INPP4B: variants seen among roughly 807,000 people sequenced by gnomAD.
The protein encoded by INPP4B is inositol polyphosphate-4-phosphatase type II B.
A neutral mutation model predicts 122.5 loss-of-function variants in INPP4B; 55 were observed. The ratio of observed to expected loss-of-function variants is 0.45; its 90% CI spans 0.36 to 0.56. The LOEUF (loss-of-function observed/expected upper bound fraction) is 0.56. INPP4B is among the 20% of genes least tolerant of loss of function. The pLI, the probability that INPP4B is intolerant of heterozygous loss-of-function variation, is 0.00. For missense variants in INPP4B, 1,000 were observed against 1,097.7 expected, an observed-to-expected ratio of 0.91 and a Z score of 1.26; for synonymous variants, 403 against 388.7, an observed-to-expected ratio of 1.04 and a Z score of -0.43.
Position 142,740,729 on chromosome 4 carries a change from T to C in INPP4B, c.-253-14828A>G, listed in dbSNP as rs578243340. On this transcript the variant is annotated intron_variant, in intron 1 of 25. Transcript: ENST00000262992. ...TAACAGGGGTAAGTGACAAGGGAAA[T>C]ATTTGTGACATTTCTGGCTTGGAGT... is the stretch of plus-strand genomic sequence containing the variant. 3.9e-5 allele frequency among the ~76,000 whole-genome samples: 6 copies of C among 152,058 alleles called. No homozygotes were observed. The East Asian group carries it at 1.2e-3, about 29-fold the overall frequency.
intron 25 of INPP4B, among the ~76,000 whole-genome samples, chr4:142,068,864 C>T (rs1765256165): frequency 1.3e-5 from 2 of 152,158 alleles, no homozygotes; most frequent in African/African-American, 4.8e-5. Context: ...GAGACTTAGA[C>T]TCTCACACAA....
rs200348292 is a variant in INPP4B at position 142,590,895 on chromosome 4, A to C, written c.-190-128169T>G. Among the ~76,000 whole-genome samples, 209 of 146,482 alleles carry C rather than the reference A, an allele frequency of 1.4e-3. 4 individuals carry two copies. The East Asian group carries it at 0.034, about 24-fold the overall frequency. On this transcript the variant is annotated intron_variant, in intron 2 of 25. Transcript: ENST00000262992. The stretch of plus-strand genomic sequence containing the variant: ...ATATCATTCTCCAAAAAAAAAAAAA[A>C]AAAAACAAAAGAACTAGGGATACTT...
chr4:142,672,267 T>G (rs975512713), intron 2 of INPP4B, among the ~76,000 whole-genome samples: 3 of 152,158 alleles, frequency 2.0e-5, no homozygotes, highest in African/African-American at 7.2e-5. Context: ...GGAGAGAGAT[T>G]GGTGGGTCAT....
chr4:142,033,016 A>G (rs1359441988), intron 25 of INPP4B, among the ~76,000 whole-genome samples: 1 of 152,144 alleles, frequency 6.6e-6, no homozygotes, highest in Admixed American at 6.6e-5. Flanking sequence ...GGGAGTAGCA[A>G]GAAAATAAAA....
chr4:142,498,609 C>T (rs957985862), intron 2 of INPP4B, among the ~76,000 whole-genome samples: 1 of 151,628 alleles, frequency 6.6e-6, no homozygotes, highest in Non-Finnish European at 1.5e-5. Context: ...AGCAACATGG[C>T]AAAACCCCAT....
chr4:142,040,295 T>C lies in INPP4B; in HGVS notation c.2643-11381A>G, dbSNP rs3756108. Among the ~76,000 whole-genome samples, 113 of 152,282 alleles carry C rather than the reference T, an allele frequency of 7.4e-4. 1 individual carries two copies. The East Asian group carries it at 0.015, about 20-fold the overall frequency. ...GGATGCATGGCTGACCCTTGGTCGT[T>C]AGTCAGCTTCCCCAAAGATTCTCCT... On this transcript the variant is annotated intron_variant, in intron 25 of 25. Coordinates refer to ENST00000262992, the MANE Select transcript of INPP4B (RefSeq NM_001101669.3).
intron 10 of INPP4B, among the ~76,000 whole-genome samples, chr4:142,265,422 C>T (rs1335603811): frequency 6.6e-6 from 1 of 152,114 alleles, no homozygotes; most frequent in African/African-American, 2.4e-5. Flanking sequence ...CTTAAATCAC[C>T]GTTAGTAACA....
In INPP4B at chr4:142,245,782, ATG is replaced by A. The variant is rs1365256116; in HGVS notation, c.689-7773_689-7772del. On this transcript the variant is annotated intron_variant, in intron 11 of 25. Coordinates refer to ENST00000262992, the MANE Select transcript of INPP4B (RefSeq NM_001101669.3). ...TATATGTATATGTGTGTATATATAT[ATG>A]TGTGTATGTATACATATATATGTGT... Among the ~76,000 whole-genome samples the A allele has an allele frequency of 1.5e-3, 213 of 139,974 alleles. 1 individual carries two copies. Among genetic ancestry groups the A allele is most frequent in the African/African-American group, 6.4e-3 (210 of 32,714 alleles). 91.8% of individuals were successfully genotyped at this position (139,974 alleles called of 152,430 possible). A position where few individuals can be genotyped will look rare whatever the true frequency, so the allele number is the denominator to read the frequency against.
intron 11 of INPP4B, among the ~76,000 whole-genome samples, chr4:142,247,107 T>C (rs980076850): frequency 6.6e-6 from 1 of 152,190 alleles, no homozygotes; most frequent in Non-Finnish European, 1.5e-5. Context: ...TATTGATTTG[T>C]GTATGTTGAA....
chr4:142,616,155 C>A (rs1240689989), intron 2 of INPP4B, among the ~76,000 whole-genome samples: 1 of 152,082 alleles, frequency 6.6e-6, no homozygotes, highest in Non-Finnish European at 1.5e-5. Flanking sequence ...CCCCCCAACC[C>A]TCACCCAATG....
chr4:142,237,067 C>T (rs867482455), intron 12 of INPP4B, among the ~76,000 whole-genome samples: 1 of 152,124 alleles, frequency 6.6e-6, no homozygotes. Flanking sequence ...TCTTATCAAC[C>T]AATCAGCTCT....
Position 142,086,978 on chromosome 4 carries a change from T to C in INPP4B, c.2375-722A>G, listed in dbSNP as rs550627035. ...TTGAACAACTCAGGGTTGGGAGAAATCTGAAAGTTCAAATAAGACACATGA... is the reference window on the plus strand; with the variant it reads ...TTGAACAACTCAGGGTTGGGAGAAACCTGAAAGTTCAAATAAGACACATGA... On this transcript the variant is annotated intron_variant, in intron 23 of 25. Coordinates refer to ENST00000262992, the MANE Select transcript of INPP4B (RefSeq NM_001101669.3). Among the ~76,000 whole-genome samples, 461 of 152,256 alleles carry C rather than the reference T, an allele frequency of 3.0e-3. 1 individual carries two copies. The highest frequency in any genetic ancestry group is 9.1e-3 in the South Asian group (44 of 4,824).
At chr4:142,587,747 CT>C (rs990957582) in intron 2 of INPP4B, among the ~76,000 whole-genome samples, 6 of 151,982 alleles carry the variant, frequency 3.9e-5, no homozygotes, top group Non-Finnish European at 7.4e-5. Context: ...TCCAGTCCCC[CT>C]GTTGTGCTAT....
chr4:142,746,221 C>T (rs1162427425), intron 1 of INPP4B, among the ~76,000 whole-genome samples: 2 of 151,940 alleles, frequency 1.3e-5, no homozygotes, highest in Non-Finnish European at 2.9e-5. Context: ...CATTCCTTTA[C>T]ACTAATAATA....
intron 1 of INPP4B, among the ~76,000 whole-genome samples, chr4:142,770,150 A>G (rs934828105): frequency 2.6e-5 from 4 of 152,170 alleles, no homozygotes; most frequent in Admixed American, 2.0e-4. Context: ...CTTGCAGAAT[A>G]CTGATAACAG....
chr4:142,675,371 A>G (rs1757600908), intron 2 of INPP4B, among the ~76,000 whole-genome samples: 1 of 152,090 alleles, frequency 6.6e-6, no homozygotes, highest in Non-Finnish European at 1.5e-5. Context: ...CCTACCAATC[A>G]AAAAAAGTCC....
intron 25 of INPP4B, among the ~76,000 whole-genome samples, chr4:142,060,879 A>C (rs905200670): frequency 1.3e-5 from 2 of 152,056 alleles, no homozygotes; most frequent in African/African-American, 4.8e-5. Context: ...GCCTTATTTT[A>C]CTCTGTGTTC....
chr4:142,054,595 T>G (rs905302444), intron 25 of INPP4B, among the ~76,000 whole-genome samples: 3 of 151,216 alleles, frequency 2.0e-5, no homozygotes, highest in Non-Finnish European at 4.4e-5. Flanking sequence ...GTCCCATTTT[T>G]TTTTCTTGTG....
intron 2 of INPP4B, among the ~76,000 whole-genome samples, chr4:142,642,766 T>C (rs1268826348): frequency 3.3e-5 from 5 of 152,128 alleles, no homozygotes; most frequent in African/African-American, 9.7e-5. Context: ...TTTTTGGTTC[T>C]ATATGAACTT....
Sources: allele counts gnomAD v4.1 joint callset (sites outside exome capture counted in the v4.1 genomes callset), GRCh38; gene constraint gnomAD v4.1.1; transcripts MANE v1.5; gene names NCBI Gene and HGNC (gene_info 2026-07-23, HGNC 2026-07-21).